Variants in RFXANK observed in about 807,000 individuals in gnomAD.
The protein encoded by RFXANK is regulatory factor X associated ankyrin containing protein.
A neutral mutation model predicts 34.5 loss-of-function variants in RFXANK; 19 were observed. The ratio of observed to expected loss-of-function variants is 0.55; its 90% CI spans 0.38 to 0.81. RFXANK has a LOEUF of 0.81. Among genes scored for constraint, RFXANK ranks in the 30% least tolerant of loss-of-function variants. RFXANK has a pLI of 0.00. For synonymous variants in RFXANK, 154 were observed against 149.8 expected, an observed-to-expected ratio of 1.03 and a Z score of -0.20; for missense variants, 295 against 343.5, an observed-to-expected ratio of 0.86 and a Z score of 1.12.
At chr19:19,196,525 G>A (rs917080720) in intron 3 of RFXANK, among the ~76,000 whole-genome samples, 14 of 148,860 alleles carry the variant, frequency 9.4e-5, no homozygotes, top group East Asian at 7.9e-4. Flanking sequence ...TCACACCACC[G>A]CACTCCAGCC....
intron 2 of RFXANK, among the ~76,000 whole-genome samples, 157 bp from the exon 3 acceptor site, chr19:19,193,782 C>A (rs148186996): frequency 6.6e-6 from 1 of 152,302 alleles, no homozygotes; most frequent in Non-Finnish European, 1.5e-5. Context: ...ACCTCGAAAG[C>A]AGTTGGACTC....
rs2060655478 is a variant in RFXANK, at chr19:19,199,246, A to C, written c.712+12A>C. 6.2e-7 allele frequency: 1 copy of C among 1,613,680 alleles called. No homozygotes were observed. The highest frequency in any genetic ancestry group is 8.5e-7 in the Non-Finnish European group (1 of 1,179,808). ...GGGATACCGGAAAGGTCAGCCTGAG[A>C]CACACAGAGCAGGGGTGGGGTCCCT... is the stretch of plus-strand genomic sequence containing the variant. On this transcript the variant is annotated intron_variant, in intron 9 of 9. Transcript: ENST00000303088.
chr19:19,197,422 CCT>C (rs970725243), intron 5 of RFXANK, 97 bp from the exon 6 acceptor site: 7 of 1,311,764 alleles, frequency 5.3e-6, no homozygotes, highest in Admixed American at 1.9e-5. Flanking sequence ...CCCTCATTCC[CCT>C]GTCTAACCCC....
chr19:19,199,079 G>T, intron 8 of RFXANK, 75 bp from the exon 9 acceptor site: 1 of 1,393,196 alleles, frequency 7.2e-7, no homozygotes, highest in Non-Finnish European at 1.0e-6. Flanking sequence ...GGGTGCCATG[G>T]GATCTCCCAG....
rs2060518049 is a variant in RFXANK, at chr19:19,193,047, G to C, written c.-62G>C. The C allele has an allele frequency of 6.6e-6, 1 of 152,290 alleles. No individual in the cohort carries two copies. Among genetic ancestry groups the C allele is most frequent in the Non-Finnish European group, 1.5e-5 (1 of 68,122 alleles). 9.4% of individuals were successfully genotyped at this position (152,290 alleles called of 1,614,324 possible). A position where few individuals can be genotyped will look rare whatever the true frequency, so the allele number is the denominator to read the frequency against. On this transcript the variant is annotated 5_prime_UTR_variant, in exon 2 of 10. Coordinates refer to ENST00000303088, the MANE Select transcript of RFXANK (RefSeq NM_003721.4). ...AAAAGTTTGTGACTTGGGCCCCCAA[G>C]TTTTGAGAGAACTGGGCTTTCGGCG...
intron 9 of RFXANK, 169 bp from the exon 10 acceptor site, chr19:19,201,480 G>A (rs1212983437): frequency 6.3e-7 from 1 of 1,583,614 alleles, no homozygotes; most frequent in Non-Finnish European, 8.5e-7. Context: ...AAACTTAGGG[G>A]AAGTTGAGGT....
intron 3 of RFXANK, 143 bp from the exon 4 acceptor site, chr19:19,196,820 A>G (rs1418136918): frequency 2.5e-6 from 2 of 789,526 alleles, no homozygotes; most frequent in African/African-American, 3.4e-5. Flanking sequence ...AGCCGAGATC[A>G]CGCCACTGTA....
chr19:19,194,673 G>T (rs1440324241), intron 3 of RFXANK, among the ~76,000 whole-genome samples: 1 of 151,620 alleles, frequency 6.6e-6, no homozygotes, highest in Non-Finnish European at 1.5e-5. Context: ...CTATAGGCAT[G>T]CAACCACACC....
intron 6 of RFXANK, 79 bp downstream of exon 6, chr19:19,197,700 G>T: frequency 7.6e-7 from 1 of 1,319,974 alleles, no homozygotes. Context: ...GTGTCTGCTG[G>T]CGCCTTGTCT....
chr19:19,201,304 C>T, intron 9 of RFXANK: 1 of 660,564 alleles, frequency 1.5e-6, no homozygotes, highest in Non-Finnish European at 2.5e-6. Context: ...CCTCAAATTC[C>T]TGAGCTCAAG....
rs1250242382 is a variant in RFXANK at position 19,195,081 on chromosome 19, G to A, written c.187+948G>A. The stretch of plus-strand genomic sequence containing the variant: ...CTTTCTTTTTTTGAGATGGAGTCTC[G>A]CTCTGTCGCCCAGGCTGGAGTGCAT... On this transcript the variant is annotated intron_variant, in intron 3 of 9. Coordinates refer to ENST00000303088, the MANE Select transcript of RFXANK (RefSeq NM_003721.4). Among the ~76,000 whole-genome samples, 5 of 134,994 alleles carry A rather than the reference G, an allele frequency of 3.7e-5. No individual in the cohort carries two copies. In the East Asian group the frequency reaches 6.5e-4, roughly 18 times the overall value. The allele number at this position is 134,994 out of a possible 152,430, so 88.6% of individuals were successfully genotyped here.
intron 7 of RFXANK, 146 bp from the exon 8 acceptor site, chr19:19,198,511 G>A (rs2060640603): frequency 9.7e-7 from 1 of 1,032,428 alleles, no homozygotes; most frequent in South Asian, 1.3e-5. Context: ...CTGGAGGAAG[G>A]TGTCTAAGCT....
rs1457490061 is a variant in RFXANK at position 19,192,513 on chromosome 19, G to A, written c.-191G>A. 1 of 242,996 alleles carries A rather than the reference G, an allele frequency of 4.1e-6. No homozygotes were observed. Among genetic ancestry groups the A allele is most frequent in the Non-Finnish European group, 8.2e-6 (1 of 122,566 alleles). 15.1% of individuals were successfully genotyped at this position (242,996 alleles called of 1,614,324 possible). A position where few individuals can be genotyped will look rare whatever the true frequency, so the allele number is the denominator to read the frequency against. Reference sequence around the variant, plus strand: ...CCCCCGCCCTTGCTTATAAGCCTTTGAGACCGCAGAAGGGACCTTGTTGTG... The same window carrying A: ...CCCCCGCCCTTGCTTATAAGCCTTTAAGACCGCAGAAGGGACCTTGTTGTG... On this transcript the variant is annotated 5_prime_UTR_variant, in exon 1 of 10. Transcript: ENST00000303088.
chr19:19,194,707 G>A (rs1174672818), intron 3 of RFXANK, among the ~76,000 whole-genome samples: 1 of 119,024 alleles, frequency 8.4e-6, no homozygotes, highest in Non-Finnish European at 1.8e-5. Context: ...TTTTTTTTTT[G>A]GGAGGCTGGT....
chr19:19,198,081 A>T (rs779887118), intron 6 of RFXANK, 26 bp from the exon 7 acceptor site: 3 of 1,612,400 alleles, frequency 1.9e-6, no homozygotes, highest in Non-Finnish European at 2.5e-6. Flanking sequence ...AATCCATCCT[A>T]CCACTGTCCC....
intron 5 of RFXANK, 128 bp downstream of exon 5, chr19:19,197,379 C>A: frequency 2.4e-6 from 3 of 1,226,894 alleles, no homozygotes; most frequent in Non-Finnish European, 3.5e-6. Context: ...GTGTGTGTGA[C>A]CGTGTTCATG....
Position 19,199,251 on chromosome 19 carries a change from C to A in RFXANK, c.712+17C>A. ...ACCGGAAAGGTCAGCCTGAGACACACAGAGCAGGGGTGGGGTCCCTTCCAT... is the reference window on the plus strand; with the variant it reads ...ACCGGAAAGGTCAGCCTGAGACACAAAGAGCAGGGGTGGGGTCCCTTCCAT... On this transcript the variant is annotated intron_variant, in intron 9 of 9. Transcript: ENST00000303088. 1 of 1,613,210 alleles carries A rather than the reference C, an allele frequency of 6.2e-7. No homozygotes were observed. Among genetic ancestry groups the A allele is most frequent in the Non-Finnish European group, 8.5e-7 (1 of 1,179,246 alleles).
At chr19:19,193,354 A>G (rs961032749) in intron 2 of RFXANK, among the ~76,000 whole-genome samples, 60 of 151,672 alleles carry the variant, frequency 4.0e-4, no homozygotes, top group African/African-American at 1.4e-3. Flanking sequence ...CACGGCCTAT[A>G]AATTGAGGGA....
intron 2 of RFXANK, among the ~76,000 whole-genome samples, chr19:19,193,477 G>A (rs1181675110): frequency 1.4e-5 from 2 of 142,172 alleles, no homozygotes; most frequent in Non-Finnish European, 3.0e-5. Context: ...ACAGTGCAGT[G>A]GTGCGATCTC....
Sources: gnomAD v4.1 joint callset for allele counts (sites outside exome capture counted in the v4.1 genomes callset) on GRCh38, gnomAD v4.1.1 for gene constraint, MANE v1.5 for transcripts, NCBI Gene and HGNC (gene_info 2026-07-23, HGNC 2026-07-21) for gene names.